The following PRELID2 variants were observed in gnomAD, a reference collection of about 807,000 sequenced individuals.
PRELID2 encodes the protein PRELI domain-containing protein 2.
A neutral mutation model predicts 28.4 loss-of-function variants in PRELID2; 25 were observed. That is an observed-to-expected ratio of 0.88 (90% CI 0.64 to 1.23). The LOEUF (loss-of-function observed/expected upper bound fraction) is 1.23, where lower values mean the gene tolerates loss of function less well. Ranked by LOEUF, PRELID2 falls within the 50% of genes most tolerant of loss-of-function variation. The probability of loss-of-function intolerance (pLI) is 0.00; values close to 1 mark genes in which losing one functional copy is unlikely to be tolerated. For synonymous variants in PRELID2, 76 were observed against 71.6 expected (o/e 1.06, Z -0.31); for missense variants, 201 against 214.4 (o/e 0.94, Z 0.39).
intron 4 of PRELID2, among the ~76,000 whole-genome samples, chr5:145,804,581 T>C (rs1278206353): frequency 6.6e-6 from 1 of 152,168 alleles, no homozygotes; most frequent in African/African-American, 2.4e-5. Flanking sequence ...TAAAGCATTG[T>C]ATTAAGTTTT....
At chr5:145,325,274 T>A in the PRELID2 span, among the ~76,000 whole-genome samples, 9 of 152,288 alleles carry the variant, frequency 5.9e-5, no homozygotes, top group African/African-American at 1.4e-4. Flanking sequence ...CAGGCATAAT[T>A]CCATAGAGAG....
At chr5:145,548,682 A>G (rs1752807355) in intron 1 of PRELID2, among the ~76,000 whole-genome samples, 1 of 151,932 alleles carries the variant, frequency 6.6e-6, no homozygotes, top group Non-Finnish European at 1.5e-5. Context: ...TGCCTTCACT[A>G]TCTCTCCCCT....
intron 1 of PRELID2, among the ~76,000 whole-genome samples, chr5:145,665,764 G>A (rs976259558): frequency 6.6e-6 from 1 of 151,470 alleles, no homozygotes; most frequent in Non-Finnish European, 1.5e-5. Context: ...TCTCTGAAGT[G>A]GCTTTCCCTA....
intron 1 of PRELID2, among the ~76,000 whole-genome samples, chr5:145,737,737 T>A (rs1303899801): frequency 2.0e-5 from 3 of 151,320 alleles, no homozygotes; most frequent in Admixed American, 6.6e-5. Context: ...TAACCCACAC[T>A]GGCAAGGGCC....
At chr5:145,553,896 G>A (rs1752858769) in intron 1 of PRELID2, among the ~76,000 whole-genome samples, 1 of 152,192 alleles carries the variant, frequency 6.6e-6, no homozygotes. Flanking sequence ...AATCAGGACA[G>A]TGATAGGAGA....
the PRELID2 span, among the ~76,000 whole-genome samples, chr5:145,414,726 T>C: frequency 2.0e-5 from 3 of 152,224 alleles, no homozygotes; most frequent in African/African-American, 7.2e-5. Context: ...TTTTGCTGAA[T>C]TAATTCTCTC....
At chr5:145,678,246 G>A (rs776393373) in intron 1 of PRELID2, among the ~76,000 whole-genome samples, 34 of 152,136 alleles carry the variant, frequency 2.2e-4, no homozygotes, top group Non-Finnish European at 3.4e-4. Context: ...AGATTTGGGC[G>A]GTTCTCACTG....
chr5:145,735,964 GC>G (rs371163801), intron 1 of PRELID2, among the ~76,000 whole-genome samples: 315 of 152,298 alleles, frequency 2.1e-3, no homozygotes, highest in South Asian at 7.9e-3. Flanking sequence ...TCAGAGAAAT[GC>G]CAGATTTTGT....
intron 1 of PRELID2, among the ~76,000 whole-genome samples, chr5:145,549,694 C>G (rs1482511485): frequency 6.6e-6 from 1 of 151,866 alleles, no homozygotes; most frequent in Non-Finnish European, 1.5e-5. Context: ...ACTCGGGAGG[C>G]TGAGGCAGGA....
chr5:145,689,888 C>G (rs1384580774), intron 1 of PRELID2, among the ~76,000 whole-genome samples: 1 of 152,150 alleles, frequency 6.6e-6, no homozygotes, highest in Non-Finnish European at 1.5e-5. Context: ...TGTGGGGCCC[C>G]TTACCAAACT....
At chr5:145,312,537 A>G in the PRELID2 span, among the ~76,000 whole-genome samples, 2 of 152,148 alleles carry the variant, frequency 1.3e-5, no homozygotes, top group Non-Finnish European at 2.9e-5. Flanking sequence ...AGCCCTTGGT[A>G]ACCATCGGTC....
chr5:145,254,803 G>A, the PRELID2 span, among the ~76,000 whole-genome samples: 1 of 151,756 alleles, frequency 6.6e-6, no homozygotes, highest in Non-Finnish European at 1.5e-5. Context: ...ATGGGCAAGA[G>A]AAATGAGAAA....
the PRELID2 span, among the ~76,000 whole-genome samples, chr5:145,443,038 A>G: frequency 6.6e-6 from 1 of 151,994 alleles, no homozygotes; most frequent in Non-Finnish European, 1.5e-5. Context: ...CAAGGGTCGC[A>G]TTCCATTCCC....
intron 1 of PRELID2, among the ~76,000 whole-genome samples, chr5:145,559,594 A>G (rs933754378): frequency 6.6e-6 from 1 of 152,098 alleles, no homozygotes; most frequent in African/African-American, 2.4e-5. Flanking sequence ...TTCTCATCCC[A>G]TGACTCCTCT....
chr5:145,372,236 T>C, the PRELID2 span, among the ~76,000 whole-genome samples: 2 of 152,156 alleles, frequency 1.3e-5, no homozygotes, highest in African/African-American at 2.4e-5. Flanking sequence ...TTGTTCAATG[T>C]CCATGTAATT....
chr5:145,544,608 G>A (rs1348400143), intron 1 of PRELID2, among the ~76,000 whole-genome samples: 2 of 152,072 alleles, frequency 1.3e-5, no homozygotes, highest in Non-Finnish European at 2.9e-5. Context: ...AAGTGTCTGA[G>A]GGACCAGCTG....
chr5:145,419,260 G>T, the PRELID2 span, among the ~76,000 whole-genome samples: 1 of 141,862 alleles, frequency 7.0e-6, no homozygotes, highest in Non-Finnish European at 1.6e-5. Flanking sequence ...TGGGATGGCT[G>T]GGTCAAATGG....
chr5:145,559,397 T>G (rs893253306), intron 1 of PRELID2, among the ~76,000 whole-genome samples: 1 of 152,224 alleles, frequency 6.6e-6, no homozygotes, highest in African/African-American at 2.4e-5. Context: ...ATATGTCTAC[T>G]GACCTGAAAA....
intron 5 of PRELID2, among the ~76,000 whole-genome samples, chr5:145,790,394 A>G (rs140748083): frequency 5.3e-5 from 8 of 152,256 alleles, no homozygotes; most frequent in African/African-American, 1.9e-4. Context: ...AAGGCACAGA[A>G]GGACAAATAC....
Sources: allele counts gnomAD v4.1 joint callset (sites outside exome capture counted in the v4.1 genomes callset), GRCh38; gene constraint gnomAD v4.1.1; transcripts MANE v1.5; gene names NCBI Gene and HGNC (gene_info 2026-07-23, HGNC 2026-07-21).